RBMS3: variants seen among roughly 807,000 people sequenced by gnomAD.
RBMS3 encodes the protein RNA binding motif single stranded interacting protein 3.
RBMS3 carries 27 observed loss-of-function variants against 66.8 expected under a neutral mutation model. The observed-to-expected ratio is 0.40, with a 90% CI of 0.30 to 0.56. The LOEUF (loss-of-function observed/expected upper bound fraction) is 0.56. RBMS3 is among the 20% of genes least tolerant of loss of function. The pLI is 0.40. For missense variants in RBMS3, 513 were observed against 549.5 expected, an observed-to-expected ratio of 0.93 and a Z score of 0.66; for synonymous variants, 188 against 183.0, an observed-to-expected ratio of 1.03 and a Z score of -0.22.
chr3:29,702,266 G>A (rs1311204551), intron 4 of RBMS3, among the ~76,000 whole-genome samples: 1 of 152,032 alleles, frequency 6.6e-6, no homozygotes, highest in Non-Finnish European at 1.5e-5. Flanking sequence ...GCACCAATCA[G>A]TGCTCTGTGT....
intron 1 of RBMS3, among the ~76,000 whole-genome samples, chr3:29,293,202 T>G (rs565242623): frequency 4.2e-4 from 64 of 151,950 alleles, no homozygotes; most frequent in African/African-American, 1.4e-3. Context: ...GTATTTTTGA[T>G]TTTCTGTATC....
chr3:29,373,262 C>T (rs919799985), intron 1 of RBMS3, among the ~76,000 whole-genome samples: 2 of 152,086 alleles, frequency 1.3e-5, no homozygotes, highest in Non-Finnish European at 2.9e-5. Flanking sequence ...AGCACTGTTA[C>T]TCAGGGTAGA....
chr3:29,569,319 A>C lies in RBMS3; in HGVS notation c.308-17795A>C, dbSNP rs183172632. Among the ~76,000 whole-genome samples the C allele has an allele frequency of 5.9e-5, 9 of 152,216 alleles. No homozygotes were observed. The East Asian group carries it at 1.7e-3, about 29-fold the overall frequency. Reference sequence around the variant, plus strand: ...GCCTAGAGGAGAGATTTCCTCTGTAAGTCATGAACCTCCAGCAATTTAAAG... The same window carrying C: ...GCCTAGAGGAGAGATTTCCTCTGTACGTCATGAACCTCCAGCAATTTAAAG... On this transcript the variant is annotated intron_variant, in intron 3 of 14. Transcript: ENST00000383767.
intron 7 of RBMS3, among the ~76,000 whole-genome samples, chr3:29,880,118 T>C (rs1484377548): frequency 6.6e-6 from 1 of 152,178 alleles, no homozygotes; most frequent in Non-Finnish European, 1.5e-5. Flanking sequence ...AAATCTTTTC[T>C]TCTAAAATAT....
intron 6 of RBMS3, among the ~76,000 whole-genome samples, chr3:29,848,596 G>T (rs1342674298): frequency 6.6e-6 from 1 of 152,208 alleles, no homozygotes; most frequent in African/African-American, 2.4e-5. Context: ...AAAGGGCAGG[G>T]ATGCTGAATC....
intron 4 of RBMS3, among the ~76,000 whole-genome samples, chr3:29,672,162 C>G (rs1167418992): frequency 1.3e-5 from 2 of 152,104 alleles, no homozygotes; most frequent in Admixed American, 6.5e-5. Context: ...ATTTTCAACC[C>G]AGAATTTCAT....
intron 4 of RBMS3, among the ~76,000 whole-genome samples, chr3:29,716,078 T>C (rs564447884): frequency 6.6e-6 from 1 of 152,246 alleles, no homozygotes; most frequent in East Asian, 1.9e-4. Context: ...ATTAAGAAGA[T>C]GGGTCACACT....
chr3:29,556,740 T>C (rs1429091706), intron 3 of RBMS3, among the ~76,000 whole-genome samples: 1 of 152,122 alleles, frequency 6.6e-6, no homozygotes, highest in Non-Finnish European at 1.5e-5. Flanking sequence ...TGTTTCCAAT[T>C]GCTAGCACCT....
At chr3:29,346,323 T>C (rs1349398670) in intron 1 of RBMS3, among the ~76,000 whole-genome samples, 1 of 152,048 alleles carries the variant, frequency 6.6e-6, no homozygotes, top group Non-Finnish European at 1.5e-5. Context: ...ACTGAGAAAT[T>C]TTTCTTCCAG....
At chr3:29,634,174 C>G (rs185988677) in intron 4 of RBMS3, among the ~76,000 whole-genome samples, 7 of 152,012 alleles carry the variant, frequency 4.6e-5, no homozygotes, top group East Asian at 1.9e-4. Flanking sequence ...TTCCTTGATG[C>G]TGCTCTTCTT....
chr3:29,333,293 G>A (rs2035768968), intron 1 of RBMS3, among the ~76,000 whole-genome samples: 1 of 152,048 alleles, frequency 6.6e-6, no homozygotes, highest in Non-Finnish European at 1.5e-5. Flanking sequence ...ATTCCCAGAG[G>A]TGAACTAGTC....
intron 1 of RBMS3, among the ~76,000 whole-genome samples, chr3:29,382,818 G>A (rs985542848): frequency 6.8e-6 from 1 of 147,916 alleles, no homozygotes; most frequent in Non-Finnish European, 1.5e-5. Context: ...CCAGAGATGA[G>A]ACATCCTGGA....
intron 6 of RBMS3, among the ~76,000 whole-genome samples, chr3:29,803,168 T>C (rs2057441322): frequency 6.6e-6 from 1 of 152,170 alleles, no homozygotes; most frequent in South Asian, 2.1e-4. Context: ...GGCAAATCCC[T>C]TTCCCTTTTC....
At chr3:29,640,670 G>A (rs1278291176) in intron 4 of RBMS3, among the ~76,000 whole-genome samples, 1 of 151,894 alleles carries the variant, frequency 6.6e-6, no homozygotes, top group Non-Finnish European at 1.5e-5. Flanking sequence ...ACATTCATCT[G>A]TACAATTCTT....
intron 6 of RBMS3, among the ~76,000 whole-genome samples, chr3:29,789,165 A>AT (rs199508102): frequency 0.044 from 6,713 of 151,748 alleles, 226 homozygotes; most frequent in Admixed American, 0.077. Context: ...TTCATGATGT[A>AT]TTTTTTTTGC....
intron 4 of RBMS3, among the ~76,000 whole-genome samples, chr3:29,699,773 T>A (rs1477189344): frequency 6.6e-6 from 1 of 152,172 alleles, no homozygotes; most frequent in East Asian, 1.9e-4. Context: ...ATATTACATA[T>A]AAGGGAAGAT....
intron 1 of RBMS3, among the ~76,000 whole-genome samples, chr3:29,313,665 C>T (rs549324538): frequency 1.8e-4 from 28 of 151,766 alleles, no homozygotes; most frequent in Admixed American, 4.6e-4. Context: ...CAAAATCCTA[C>T]GCCTTATGGT....
intron 6 of RBMS3, among the ~76,000 whole-genome samples, chr3:29,834,106 TC>T (rs1395441398): frequency 6.6e-6 from 1 of 151,892 alleles, no homozygotes; most frequent in Admixed American, 6.6e-5. Flanking sequence ...CCTTCAGAAA[TC>T]GAGAGATAAA....
chr3:29,594,199 C>T (rs1685920723), intron 4 of RBMS3, among the ~76,000 whole-genome samples: 1 of 152,090 alleles, frequency 6.6e-6, no homozygotes, highest in African/African-American at 2.4e-5. Context: ...GCATAAACTA[C>T]CATCATTTCC....
Sources: allele counts gnomAD v4.1 joint callset (sites outside exome capture counted in the v4.1 genomes callset), GRCh38; gene constraint gnomAD v4.1.1; transcripts MANE v1.5; gene names NCBI Gene and HGNC (gene_info 2026-07-23, HGNC 2026-07-21).